The following PDE4D variants were observed in gnomAD, a reference collection of about 807,000 sequenced individuals.
The protein encoded by PDE4D is 3',5'-cyclic-AMP phosphodiesterase 4D.
In PDE4D, 24 loss-of-function variants were observed where a neutral mutation model predicts 87.4. The observed-to-expected ratio is 0.27, with a 90% CI of 0.20 to 0.39. The LOEUF is 0.39. PDE4D is among the 10% of genes least tolerant of loss of function. The pLI, the probability that PDE4D is intolerant of heterozygous loss-of-function variation, is 1.00. For missense variants in PDE4D, 714 were observed against 1,041.0 expected, an observed-to-expected ratio of 0.69 and a Z score of 4.32; for synonymous variants, 384 against 383.2, an observed-to-expected ratio of 1.00 and a Z score of -0.02.
At chr5:59,695,977 GA>G (rs1235843361) in intron 1 of PDE4D, among the ~76,000 whole-genome samples, 1 of 152,098 alleles carries the variant, frequency 6.6e-6, no homozygotes, top group Non-Finnish European at 1.5e-5. Context: ...TCGACATGTG[GA>G]AATATTATGT....
intron 1 of PDE4D, among the ~76,000 whole-genome samples, chr5:59,367,983 T>C (rs1171627661): frequency 6.6e-6 from 1 of 152,212 alleles, no homozygotes. Context: ...AGCGCCCTCT[T>C]GTGAAGAGAG....
chr5:59,769,178 C>T lies in PDE4D; in HGVS notation c.455+123990G>A, dbSNP rs140023879. Among the ~76,000 whole-genome samples, 1,164 of 152,112 alleles carry T rather than the reference C, an allele frequency of 7.7e-3. 8 individuals are homozygous for T. The highest frequency in any genetic ancestry group is 0.023 in the African/African-American group (961 of 41,498). On this transcript the variant is annotated intron_variant, in intron 1 of 14. Transcript: ENST00000340635. The stretch of plus-strand genomic sequence containing the variant: ...TCTGATGAACCACATAAGACAAATC[C>T]CATGAGAATGAAATTGACTTTTTCT...
intron 1 of PDE4D, among the ~76,000 whole-genome samples, chr5:59,684,243 A>T (rs1167166698): frequency 6.6e-6 from 1 of 151,896 alleles, no homozygotes; most frequent in East Asian, 1.9e-4. Flanking sequence ...GTCTCCTCAT[A>T]TCTTTTGCTC....
chr5:59,649,636 C>T (rs542286054), intron 1 of PDE4D, among the ~76,000 whole-genome samples: 11 of 150,794 alleles, frequency 7.3e-5, no homozygotes, highest in Non-Finnish European at 1.2e-4. Flanking sequence ...GACCTATTCC[C>T]GAAACAGGAA....
At chr5:60,504,842 A>G (rs1489866652) in intron 1 of PDE4D, among the ~76,000 whole-genome samples, 1 of 152,128 alleles carries the variant, frequency 6.6e-6, no homozygotes, top group Non-Finnish European at 1.5e-5. Flanking sequence ...TGTTTAATTG[A>G]TTTCTTCATG....
At chr5:59,133,580 G>T (rs537486218) in intron 5 of PDE4D, among the ~76,000 whole-genome samples, 2 of 152,292 alleles carry the variant, frequency 1.3e-5, no homozygotes, top group Non-Finnish European at 2.9e-5. Flanking sequence ...GTATACTGTA[G>T]AAAAGTACAC....
At chr5:60,005,157 T>C (rs949907958) in intron 2 of PDE4D, among the ~76,000 whole-genome samples, 9 of 152,062 alleles carry the variant, frequency 5.9e-5, no homozygotes, top group African/African-American at 9.7e-5. Context: ...TGAGAAAACA[T>C]GGATAAACCT....
chr5:59,988,535 G>A, exon 3 of PDE4D: 1 of 1,599,246 alleles, frequency 6.3e-7, no homozygotes, highest in South Asian at 1.1e-5. Context: ...GAATCTTCAG[G>A]GGGAGGCTGG....
At chr5:59,778,412 A>G (rs1764287173) in intron 1 of PDE4D, among the ~76,000 whole-genome samples, 2 of 152,262 alleles carry the variant, frequency 1.3e-5, no homozygotes, top group Non-Finnish European at 2.9e-5. Flanking sequence ...TTGCTAAATT[A>G]TGAAAATCAA....
At chr5:60,484,381 T>A (rs186698500) in intron 1 of PDE4D, among the ~76,000 whole-genome samples, 7 of 152,274 alleles carry the variant, frequency 4.6e-5, no homozygotes, top group Non-Finnish European at 8.8e-5. Context: ...GGAACATTCA[T>A]CCTGTTTGAG....
chr5:59,572,522 C>T (rs1418736942), intron 1 of PDE4D, among the ~76,000 whole-genome samples: 2 of 151,876 alleles, frequency 1.3e-5, no homozygotes, highest in African/African-American at 4.8e-5. Flanking sequence ...GCTCTTTCGC[C>T]CAGGCCGGAC....
At chr5:60,061,096 G>A (rs1472411295) in intron 2 of PDE4D, among the ~76,000 whole-genome samples, 2 of 152,106 alleles carry the variant, frequency 1.3e-5, no homozygotes, top group African/African-American at 4.8e-5. Flanking sequence ...TCAGGCAAGA[G>A]AAAGAAATAA....
intron 5 of PDE4D, among the ~76,000 whole-genome samples, chr5:59,164,118 G>A (rs1781548881): frequency 6.6e-6 from 1 of 152,214 alleles, no homozygotes; most frequent in African/African-American, 2.4e-5. Flanking sequence ...TGAAAATATT[G>A]TGACTAAGAT....
At chr5:60,440,946 A>T (rs702553) in intron 1 of PDE4D, among the ~76,000 whole-genome samples, 57,086 of 151,914 alleles carry the variant, frequency 0.38, 11,242 homozygotes, top group South Asian at 0.59. Flanking sequence ...TACATGTTAA[A>T]CATGTAGGAA....
intron 3 of PDE4D, among the ~76,000 whole-genome samples, chr5:59,967,980 T>A (rs1445061675): frequency 7.3e-6 from 1 of 137,268 alleles, no homozygotes; most frequent in East Asian, 2.1e-4. Context: ...ATATGCTTTT[T>A]TTTTTTTTTT....
chr5:59,037,835 A>AG (rs1206907250), intron 6 of PDE4D, among the ~76,000 whole-genome samples: 2 of 132,190 alleles, frequency 1.5e-5, no homozygotes, highest in Non-Finnish European at 3.6e-5. Context: ...ATAGAAAGGT[A>AG]GAAAAAAAAA....
intron 1 of PDE4D, among the ~76,000 whole-genome samples, chr5:60,454,621 G>A (rs1280002137): frequency 6.6e-6 from 1 of 152,120 alleles, no homozygotes; most frequent in Non-Finnish European, 1.5e-5. Context: ...ACACAGGGAA[G>A]GGAACAATAC....
chr5:59,157,443 C>A (rs1780419923), intron 5 of PDE4D: 3 of 681,230 alleles, frequency 4.4e-6, no homozygotes, highest in Non-Finnish European at 8.0e-6. Flanking sequence ...ATAAGAGTTA[C>A]TATTGTAAAC....
intron 1 of PDE4D, among the ~76,000 whole-genome samples, chr5:59,372,526 A>G (rs1310678267): frequency 6.6e-6 from 1 of 152,228 alleles, no homozygotes. Context: ...TCATCAAATT[A>G]TTTGAAAAGT....
Sources: gnomAD v4.1 joint callset for allele counts (sites outside exome capture counted in the v4.1 genomes callset) on GRCh38, gnomAD v4.1.1 for gene constraint, MANE v1.5 for transcripts, NCBI Gene and HGNC (gene_info 2026-07-23, HGNC 2026-07-21) for gene names.